PARD3B: variants seen among roughly 807,000 people sequenced by gnomAD.
PARD3B encodes the protein partitioning defective 3 homolog B.
In PARD3B, 103 loss-of-function variants were observed where a neutral mutation model predicts 130.2. The ratio of observed to expected loss-of-function variants is 0.79; its 90% CI spans 0.67 to 0.93. PARD3B has a LOEUF of 0.93. PARD3B is among the 40% of genes least tolerant of loss of function. The probability of loss-of-function intolerance (pLI) is 0.00; values close to 1 mark genes in which losing one functional copy is unlikely to be tolerated. For missense variants in PARD3B, 1,609 were observed against 1,499.2 expected (o/e 1.07, Z -1.21); for synonymous variants, 583 against 553.2 (o/e 1.05, Z -0.76).
chr2:205,181,802 T>C (rs757955845), intron 13 of PARD3B, among the ~76,000 whole-genome samples: 10 of 152,218 alleles, frequency 6.6e-5, no homozygotes, highest in Non-Finnish European at 1.3e-4. Context: ...GGGAGTGCTG[T>C]GTCAACATTT....
chr2:205,040,433 A>G (rs1188427762), intron 3 of PARD3B, among the ~76,000 whole-genome samples: 1 of 152,206 alleles, frequency 6.6e-6, no homozygotes, highest in Non-Finnish European at 1.5e-5. Flanking sequence ...TTTCTGACCT[A>G]TAGTCTTTTT....
At chr2:205,344,747 G>A (rs2043685937) in intron 18 of PARD3B, among the ~76,000 whole-genome samples, 2 of 152,146 alleles carry the variant, frequency 1.3e-5, no homozygotes, top group Admixed American at 6.5e-5. Context: ...TTTATTTGAA[G>A]CTTTTAGGGC....
At chr2:205,090,668 G>A (rs1702050898) in intron 4 of PARD3B, among the ~76,000 whole-genome samples, 1 of 152,170 alleles carries the variant, frequency 6.6e-6, no homozygotes, top group Admixed American at 6.5e-5. Context: ...AACCGGAGGT[G>A]TTTTTACATG....
intron 1 of PARD3B, among the ~76,000 whole-genome samples, chr2:204,550,917 T>C (rs1053150944): frequency 2.0e-5 from 3 of 152,178 alleles, no homozygotes; most frequent in African/African-American, 7.2e-5. Flanking sequence ...CTAAATAGAT[T>C]TTAAGGTTCT....
At chr2:204,752,745 T>C (rs375762237) in intron 2 of PARD3B, among the ~76,000 whole-genome samples, 3 of 152,180 alleles carry the variant, frequency 2.0e-5, no homozygotes, top group African/African-American at 7.2e-5. Context: ...GTATAATTTA[T>C]ATTAAATGGC....
At chr2:205,335,392 A>T (rs538102233) in intron 18 of PARD3B, among the ~76,000 whole-genome samples, 4 of 152,138 alleles carry the variant, frequency 2.6e-5, no homozygotes, top group Non-Finnish European at 5.9e-5. Context: ...TCGTTGTAGA[A>T]TTGTCTAGCA....
At chr2:205,354,032 T>C (rs1245293054) in intron 18 of PARD3B, among the ~76,000 whole-genome samples, 1 of 113,122 alleles carries the variant, frequency 8.8e-6, no homozygotes, top group Non-Finnish European at 2.0e-5. Flanking sequence ...TTTCCTTTTT[T>C]TTTTTTTTTT....
Position 204,770,520 on chromosome 2 carries a change from T to C in PARD3B, c.222+84238T>C, listed in dbSNP as rs140298339. Reference sequence around the variant, plus strand: ...GAGTTCTGTAGATGTCTATTAGGTCTGCTTGGTGCAGAGCTGAGTTTCTTG... The same window carrying C: ...GAGTTCTGTAGATGTCTATTAGGTCCGCTTGGTGCAGAGCTGAGTTTCTTG... On this transcript the variant is annotated intron_variant, in intron 2 of 22. Transcript: ENST00000406610. Among the ~76,000 whole-genome samples, 249 of 152,054 alleles carry C rather than the reference T, an allele frequency of 1.6e-3. 10 individuals carry two copies. In the East Asian group the frequency reaches 0.042, roughly 26 times the overall value.
At chr2:204,740,865 C>T (rs1338363279) in intron 2 of PARD3B, among the ~76,000 whole-genome samples, 1 of 152,074 alleles carries the variant, frequency 6.6e-6, no homozygotes, top group Non-Finnish European at 1.5e-5. Context: ...AATATTGTTT[C>T]TCATATTTGA....
At chr2:204,731,457 A>C (rs934201420) in intron 2 of PARD3B, among the ~76,000 whole-genome samples, 4 of 152,230 alleles carry the variant, frequency 2.6e-5, no homozygotes, top group African/African-American at 9.6e-5. Context: ...TGAATTAGTG[A>C]TAGAAGGTTT....
rs941124626 is a variant in PARD3B, at chr2:205,146,637, C to T, written c.1435-12085C>T. Among the ~76,000 whole-genome samples the T allele has an allele frequency of 5.9e-5, 9 of 151,620 alleles. No individual in the cohort carries two copies. Among genetic ancestry groups the T allele is most frequent in the Non-Finnish European group, 8.8e-5 (6 of 67,924 alleles). ...CTGCACTCCAGCCTGGGCGACAGAG[C>T]GAGACTCCGCCTCAAAAAAAAAAAT... On this transcript the variant is annotated intron_variant, in intron 10 of 22. Transcript: ENST00000406610. The surrounding 1 kb of genome is among the most constrained non-coding windows in gnomAD (Gnocchi z 4.3).
intron 15 of PARD3B, among the ~76,000 whole-genome samples, chr2:205,206,723 T>C (rs2037336302): frequency 6.6e-6 from 1 of 152,092 alleles, no homozygotes; most frequent in African/African-American, 2.4e-5. Context: ...GTCCTTTGGG[T>C]ATATACCCAG....
At chr2:205,050,608 A>T (rs1699123146) in intron 4 of PARD3B, among the ~76,000 whole-genome samples, 1 of 152,160 alleles carries the variant, frequency 6.6e-6, no homozygotes, top group Admixed American at 6.5e-5. Flanking sequence ...ATAACATAAA[A>T]GATCTCATTA....
intron 1 of PARD3B, among the ~76,000 whole-genome samples, chr2:204,565,376 C>T (rs2031610279): frequency 6.6e-6 from 1 of 152,170 alleles, no homozygotes; most frequent in Non-Finnish European, 1.5e-5. Context: ...ATGAAATATT[C>T]ATACTCCATT....
chr2:205,448,707 G>A (rs1294260971), intron 20 of PARD3B, among the ~76,000 whole-genome samples: 1 of 151,916 alleles, frequency 6.6e-6, no homozygotes, highest in South Asian at 2.1e-4. Context: ...CTCATCACTC[G>A]AGACCTCCAT....
At chr2:205,467,241 A>G (rs1214435039) in intron 20 of PARD3B, among the ~76,000 whole-genome samples, 2 of 152,214 alleles carry the variant, frequency 1.3e-5, no homozygotes, top group East Asian at 1.9e-4. Flanking sequence ...GAAAACAGAA[A>G]TGTTTCCGTG....
chr2:205,453,916 T>C (rs2048187119), intron 20 of PARD3B, among the ~76,000 whole-genome samples: 2 of 152,190 alleles, frequency 1.3e-5, no homozygotes, highest in Admixed American at 1.3e-4. Flanking sequence ...GTCAAAAATG[T>C]TGGAAACTAC....
At chr2:205,347,931 G>A (rs2043853519) in intron 18 of PARD3B, 1 of 152,134 alleles carries the variant, frequency 6.6e-6, no homozygotes, top group African/African-American at 2.4e-5. Context: ...GGCATACCTG[G>A]GGAAGATAAA....
chr2:205,013,467 T>TTA (rs1345677598), intron 3 of PARD3B, among the ~76,000 whole-genome samples: 4 of 152,050 alleles, frequency 2.6e-5, no homozygotes. Context: ...AGTGGTGTAG[T>TTA]GTCTGTCGGG....
Sources: allele counts gnomAD v4.1 joint callset (sites outside exome capture counted in the v4.1 genomes callset), GRCh38; gene constraint gnomAD v4.1.1; non-coding constraint Gnocchi (gnomAD v3.1); transcripts MANE v1.5; gene names NCBI Gene and HGNC (gene_info 2026-07-23, HGNC 2026-07-21).